The following SGIP1 variants were observed in gnomAD, a reference collection of about 807,000 sequenced individuals.
The protein encoded by SGIP1 is SH3GL interacting endocytic adaptor 1.
SGIP1 carries 38 observed loss-of-function variants against 107.5 expected under a neutral mutation model. That is an observed-to-expected ratio of 0.35 (90% confidence interval 0.27 to 0.46). SGIP1 has a LOEUF of 0.46. SGIP1 is among the 20% of genes least tolerant of loss of function. The pLI is 1.00. For synonymous variants in SGIP1, 365 were observed against 366.1 expected (o/e 1.00, Z 0.03); for missense variants, 929 against 1,019.5 (o/e 0.91, Z 1.21).
At chr1:66,540,313 A>G (rs754516061) in intron 1 of SGIP1, among the ~76,000 whole-genome samples, 1 of 152,230 alleles carries the variant, frequency 6.6e-6, no homozygotes, top group Non-Finnish European at 1.5e-5. Flanking sequence ...AAATGATTTC[A>G]TAATGAAAAG....
In SGIP1 at chr1:66,633,072, G is replaced by T. The variant is rs546532528; in HGVS notation, c.77G>T (p.Gly26Val). The change falls in exon 3 of 25, where the codon GGT becomes GTT. Residue 26 changes from glycine to valine, a missense_variant and splice_region_variant. Transcript: ENST00000371037. ...RKKEKDTDST[G>V]SPDRDGIQPS... is the part of the protein sequence containing the mutation. ...CTATCAATTTCTTTTTGTTACAGAG[G>T]TTCACCAGATAGAGATGGAATTGTA... 9 of 1,538,438 alleles carry T rather than the reference G, an allele frequency of 5.9e-6. No homozygotes were observed. Among genetic ancestry groups the T allele is most frequent in the East Asian group, 4.5e-5 (2 of 44,352 alleles).
At position 66,750,036 on chromosome 1, in the gene SGIP1, G is replaced by GGTGT. The variant is rs1197339481; in HGVS notation, c.*6970_*6973dup. On this transcript the variant is annotated 3_prime_UTR_variant, in exon 25 of 25. Coordinates refer to ENST00000371037, the MANE Select transcript of SGIP1 (RefSeq NM_032291.4). ...CTCTCTTTCTCTGTGTGTGTGTGGG[G>GGTGT]GTGTGTGTGTGTGTGTGTGTGTGTG... 0.013 allele frequency among the ~76,000 whole-genome samples: 1,526 copies of GGTGT among 119,120 alleles called. 16 individuals are homozygous for GGTGT. The highest frequency in any genetic ancestry group is 0.062 in the East Asian group (252 of 4,092). 78.1% of individuals were successfully genotyped at this position (119,120 alleles called of 152,430 possible). A position where few individuals can be genotyped will look rare whatever the true frequency, so the allele number is the denominator to read the frequency against.
At chr1:66,702,350 T>C (rs144695804) in intron 18 of SGIP1, among the ~76,000 whole-genome samples, 2 of 152,320 alleles carry the variant, frequency 1.3e-5, no homozygotes, top group East Asian at 3.9e-4. Flanking sequence ...ACTATGCTAC[T>C]CAAGTCTTGG....
intron 15 of SGIP1, among the ~76,000 whole-genome samples, chr1:66,685,100 G>T (rs900079673): frequency 6.6e-6 from 1 of 152,186 alleles, no homozygotes; most frequent in Non-Finnish European, 1.5e-5. Context: ...AAACAATAGG[G>T]TATGGCCTCA....
chr1:66,734,134 T>A (rs1169893116), intron 21 of SGIP1, among the ~76,000 whole-genome samples: 3 of 152,110 alleles, frequency 2.0e-5, no homozygotes, highest in African/African-American at 7.2e-5. Context: ...CACAAAAAAA[T>A]GAAGTTGCAA....
intron 1 of SGIP1, among the ~76,000 whole-genome samples, chr1:66,541,688 G>T (rs2054987364): frequency 6.6e-6 from 1 of 152,178 alleles, no homozygotes; most frequent in Non-Finnish European, 1.5e-5. Context: ...ATTTTTGAAA[G>T]CTTGTGTGGA....
At chr1:66,562,098 A>AC (rs2148462918) in intron 1 of SGIP1, among the ~76,000 whole-genome samples, 1 of 151,928 alleles carries the variant, frequency 6.6e-6, no homozygotes, top group African/African-American at 2.4e-5. Flanking sequence ...TTTTAGCCAA[A>AC]AAAAAAAAAT....
intron 1 of SGIP1, among the ~76,000 whole-genome samples, chr1:66,563,475 C>G (rs2059237780): frequency 1.3e-5 from 2 of 152,014 alleles, no homozygotes; most frequent in East Asian, 3.9e-4. Flanking sequence ...GGAAGAAAGA[C>G]AACTACCAGA....
At chr1:66,669,197 C>T (rs2083234669) in intron 9 of SGIP1, among the ~76,000 whole-genome samples, 1 of 152,200 alleles carries the variant, frequency 6.6e-6, no homozygotes, top group Non-Finnish European at 1.5e-5. Context: ...TTCATGAAGA[C>T]TATTTAATAA....
At chr1:66,637,894 G>A (rs1390503100) in intron 4 of SGIP1, among the ~76,000 whole-genome samples, 1 of 150,406 alleles carries the variant, frequency 6.6e-6, no homozygotes, top group African/African-American at 2.4e-5. Flanking sequence ...TATATAAACT[G>A]TTTAGCTGAA....
intron 1 of SGIP1, among the ~76,000 whole-genome samples, chr1:66,537,939 G>A (rs1347570364): frequency 1.3e-5 from 2 of 152,016 alleles, no homozygotes; most frequent in African/African-American, 2.4e-5. Flanking sequence ...ATCAGGTTGG[G>A]CATGTTAACC....
At chr1:66,640,077 T>A (rs1279424783) in intron 5 of SGIP1, among the ~76,000 whole-genome samples, 1 of 152,212 alleles carries the variant, frequency 6.6e-6, no homozygotes, top group Admixed American at 6.5e-5. Context: ...GCTGATCAGC[T>A]ATTGTTAATG....
At chr1:66,615,315 T>C (rs1378487861) in intron 1 of SGIP1, among the ~76,000 whole-genome samples, 1 of 152,062 alleles carries the variant, frequency 6.6e-6, no homozygotes, top group Admixed American at 6.6e-5. Context: ...CTATTTTTAG[T>C]GGAGATGGGA....
In SGIP1 at chr1:66,694,307, T is replaced by C. The variant is rs2090447806; in HGVS notation, c.1571-1127T>C. On this transcript the variant is annotated intron_variant, in intron 17 of 24. Transcript: ENST00000371037. ...TTATATCGTAATCATAATTCCAGTG[T>C]TTTCAGTTTTGTTTCCTTTTTCCAC... 4.4e-6 allele frequency: 3 copies of C among 681,846 alleles called. No individual in the cohort carries two copies. In the South Asian group the frequency reaches 5.5e-5, roughly 12 times the overall value. The allele number at this position is 681,846 out of a possible 1,614,324, so 42.2% of individuals were successfully genotyped here. A position where few individuals can be genotyped will look rare whatever the true frequency, so the allele number is the denominator to read the frequency against.
intron 21 of SGIP1, 41 bp from the exon 22 acceptor site, chr1:66,739,294 C>G: frequency 6.3e-7 from 1 of 1,582,070 alleles, no homozygotes; most frequent in African/African-American, 1.5e-5. Flanking sequence ...TAAGAACATC[C>G]CTGTCATATG....
intron 1 of SGIP1, among the ~76,000 whole-genome samples, chr1:66,623,833 T>C (rs543645647): frequency 6.6e-6 from 1 of 152,218 alleles, no homozygotes; most frequent in African/African-American, 2.4e-5. Flanking sequence ...ATGCTGGGAA[T>C]GGACTCTCTG....
chr1:66,565,010 C>T (rs1405126847), intron 1 of SGIP1, among the ~76,000 whole-genome samples: 2 of 151,944 alleles, frequency 1.3e-5, no homozygotes, highest in African/African-American at 2.4e-5. Context: ...GTCTGGAGAG[C>T]TTAAGTGCCT....
intron 3 of SGIP1, among the ~76,000 whole-genome samples, chr1:66,635,635 G>T (rs910397764): frequency 6.6e-6 from 1 of 152,132 alleles, no homozygotes; most frequent in Non-Finnish European, 1.5e-5. Context: ...TGTTCTCTAC[G>T]TGTAAATTAA....
At chr1:66,670,802 T>C (rs1571577859) in intron 9 of SGIP1, among the ~76,000 whole-genome samples, 193 bp from the exon 10 acceptor site, 1 of 152,170 alleles carries the variant, frequency 6.6e-6, no homozygotes, top group Non-Finnish European at 1.5e-5. Context: ...CTCTCTATAA[T>C]CTTTGAGTGA....
Sources: allele counts gnomAD v4.1 joint callset (sites outside exome capture counted in the v4.1 genomes callset), GRCh38; gene constraint gnomAD v4.1.1; transcripts MANE v1.5; gene names NCBI Gene and HGNC (gene_info 2026-07-23, HGNC 2026-07-21).